ZNF708: variants seen among roughly 807,000 people sequenced by gnomAD.
The protein encoded by ZNF708 is zinc finger protein 708.
In ZNF708, 44 loss-of-function variants were observed where a neutral mutation model predicts 47.0. The observed-to-expected ratio is 0.94, with a 90% CI of 0.74 to 1.20. The LOEUF (loss-of-function observed/expected upper bound fraction) is 1.20, where lower values mean the gene tolerates loss of function less well. ZNF708 is among the 50% of genes most tolerant of loss of function. The pLI, the probability that ZNF708 is intolerant of heterozygous loss-of-function variation, is 0.00. For missense variants in ZNF708, 557 were observed against 656.0 expected (o/e 0.85, Z 1.65); for synonymous variants, 184 against 218.5 (o/e 0.84, Z 1.39).
intron 1 of ZNF708, among the ~76,000 whole-genome samples, chr19:21,324,349 C>T (rs1180714593): frequency 6.6e-6 from 1 of 152,164 alleles, no homozygotes; most frequent in Non-Finnish European, 1.5e-5. Flanking sequence ...GGGCAGATCA[C>T]CTGAGGTCAG....
At chr19:21,326,963 G>A (rs1051289324) in intron 1 of ZNF708, among the ~76,000 whole-genome samples, 1 of 151,312 alleles carries the variant, frequency 6.6e-6, no homozygotes, top group Admixed American at 6.6e-5. Flanking sequence ...ATATATATTT[G>A]ATTATATATA....
intron 3 of ZNF708, among the ~76,000 whole-genome samples, chr19:21,299,863 C>T (rs1972618872): frequency 1.3e-5 from 2 of 151,894 alleles, no homozygotes; most frequent in East Asian, 3.9e-4. Context: ...ATAAAGTTAT[C>T]ATAGTTTTAA....
At chr19:21,305,509 G>A (rs1010416639) in intron 3 of ZNF708, among the ~76,000 whole-genome samples, 1 of 150,976 alleles carries the variant, frequency 6.6e-6, no homozygotes, top group Non-Finnish European at 1.5e-5. Context: ...GAGTGCAGTG[G>A]CTGTAGTGGC....
At chr19:21,325,645 CATTAG>C (rs1487525842) in intron 1 of ZNF708, among the ~76,000 whole-genome samples, 1 of 152,146 alleles carries the variant, frequency 6.6e-6, no homozygotes, top group Non-Finnish European at 1.5e-5. Flanking sequence ...CCCTTCTAGA[CATTAG>C]ATTAGGCAAG....
intron 1 of ZNF708, among the ~76,000 whole-genome samples, chr19:21,326,849 G>T (rs1973265500): frequency 6.6e-6 from 1 of 152,080 alleles, no homozygotes. Flanking sequence ...CAGAAGAATT[G>T]CTTGAACCCG....
intron 3 of ZNF708, among the ~76,000 whole-genome samples, chr19:21,304,071 G>A (rs1381009818): frequency 1.3e-5 from 2 of 152,128 alleles, no homozygotes; most frequent in African/African-American, 2.4e-5. Context: ...ATACCTGAGA[G>A]TAGATAATTT....
At chr19:21,296,591 T>C (rs1213490070) in intron 3 of ZNF708, among the ~76,000 whole-genome samples, 1 of 152,102 alleles carries the variant, frequency 6.6e-6, no homozygotes, top group African/African-American at 2.4e-5. Context: ...AAAAAGTATA[T>C]TGGCACTTCA....
chr19:21,312,380 C>T (rs918668890), intron 1 of ZNF708, among the ~76,000 whole-genome samples: 1 of 152,060 alleles, frequency 6.6e-6, no homozygotes, highest in African/African-American at 2.4e-5. Flanking sequence ...AGGAGAATCA[C>T]TTGAACCTGG....
rs778670542 is a variant in ZNF708, at chr19:21,293,662, A to C, written c.1304T>G (p.Leu435Arg). The C allele has an allele frequency of 1.9e-6, 3 of 1,612,450 alleles. No individual in the cohort carries two copies. In the East Asian group the frequency reaches 6.7e-5, roughly 36 times the overall value. Residue 435 changes from leucine (L) to arginine (R), a missense_variant, in exon 4 of 4, where the codon CTT becomes CGT. Physicochemically the swap from Leu to Arg is moderately radical, Grantham distance 102. Transcript: ENST00000356929. ...CGKAFSIFSILTKHKVIHTED... is the reference protein window; with the variant it reads ...CGKAFSIFSIRTKHKVIHTED... ...AGTATGAATTACTTTATGTTTAGTA[A>C]GGATTGAGAATATACTAAAGGCTTT...
intron 1 of ZNF708, among the ~76,000 whole-genome samples, chr19:21,311,162 G>T (rs1972891350): frequency 6.6e-6 from 1 of 151,864 alleles, no homozygotes; most frequent in Non-Finnish European, 1.5e-5. Flanking sequence ...AAGGGCCTGT[G>T]TTTTTTTCAG....
chr19:21,329,384 C>G lies in ZNF708; in HGVS notation c.-172G>C. 4 of 994,192 alleles carry G rather than the reference C, an allele frequency of 4.0e-6. No individual in the cohort carries two copies. In the South Asian group the frequency reaches 5.7e-5, roughly 14 times the overall value. 61.6% of individuals were successfully genotyped at this position (994,192 alleles called of 1,614,324 possible). On this transcript the variant is annotated 5_prime_UTR_variant, in exon 1 of 4. Coordinates refer to ENST00000356929, the MANE Select transcript of ZNF708 (RefSeq NM_021269.3). ...GGCCGCGCCAAACCCGGAAGCCGCC[C>G]TGTCCGGTCCAGCTGCGTGTCTGAG...
chr19:21,329,047 C>T (rs1012065482), intron 1 of ZNF708, among the ~76,000 whole-genome samples, 163 bp downstream of exon 1: 1 of 152,182 alleles, frequency 6.6e-6, no homozygotes, highest in African/African-American at 2.4e-5. Flanking sequence ...TCGGCGCAGC[C>T]GCCATCTTAT....
intron 1 of ZNF708, among the ~76,000 whole-genome samples, chr19:21,315,239 A>G (rs1221557632): frequency 1.3e-5 from 2 of 152,294 alleles, no homozygotes; most frequent in African/African-American, 4.8e-5. Flanking sequence ...AAAATCTGAA[A>G]AGCTCAAAGA....
chr19:21,325,590 T>C (rs1973239933), intron 1 of ZNF708, among the ~76,000 whole-genome samples: 1 of 152,190 alleles, frequency 6.6e-6, no homozygotes, highest in African/African-American at 2.4e-5. Flanking sequence ...GACTTAAACC[T>C]AAGATCGGAA....
At chr19:21,303,079 C>T (rs1972691190) in intron 3 of ZNF708, among the ~76,000 whole-genome samples, 1 of 152,038 alleles carries the variant, frequency 6.6e-6, no homozygotes, top group Admixed American at 6.6e-5. Flanking sequence ...AAAACCCTGT[C>T]TCTACAAAAA....
Sources: allele counts gnomAD v4.1 joint callset (sites outside exome capture counted in the v4.1 genomes callset), GRCh38; gene constraint gnomAD v4.1.1; transcripts MANE v1.5; gene names NCBI Gene and HGNC (gene_info 2026-07-23, HGNC 2026-07-21).